SEMA6D: variants seen among roughly 807,000 people sequenced by gnomAD.
The protein encoded by SEMA6D is semaphorin-6D.
Under a neutral mutation model 106.6 loss-of-function variants are expected in SEMA6D, and 35 were observed. The observed-to-expected ratio is 0.33, with a 90% confidence interval of 0.25 to 0.44. The LOEUF (loss-of-function observed/expected upper bound fraction) is 0.44, where lower values mean the gene tolerates loss of function less well. Ranked by LOEUF, SEMA6D falls within the 20% of genes least tolerant of loss-of-function variation. The pLI is 1.00. For synonymous variants in SEMA6D, 499 were observed against 487.7 expected (o/e 1.02, Z -0.31); for missense variants, 1,185 against 1,345.9 (o/e 0.88, Z 1.87).
chr15:47,602,086 A>G (rs1251213858), intron 4 of SEMA6D, among the ~76,000 whole-genome samples: 2 of 152,220 alleles, frequency 1.3e-5, no homozygotes, highest in African/African-American at 4.8e-5. Flanking sequence ...GAATGTAGTC[A>G]TCTTACTCTA....
intron 1 of SEMA6D, among the ~76,000 whole-genome samples, chr15:47,311,576 G>A (rs1036993006): frequency 6.6e-6 from 1 of 152,034 alleles, no homozygotes; most frequent in Non-Finnish European, 1.5e-5. Flanking sequence ...GAAGTAAAGG[G>A]TGTATTTCCA....
At chr15:47,619,944 A>C (rs2077069572) in intron 4 of SEMA6D, among the ~76,000 whole-genome samples, 1 of 152,006 alleles carries the variant, frequency 6.6e-6, no homozygotes, top group Non-Finnish European at 1.5e-5. Context: ...TTATTATTTT[A>C]ATTGATTTTT....
chr15:47,391,075 T>G (rs553865992), intron 1 of SEMA6D, among the ~76,000 whole-genome samples: 1 of 152,312 alleles, frequency 6.6e-6, no homozygotes, highest in East Asian at 1.9e-4. Flanking sequence ...TCTAATAAGT[T>G]AACCCCTTTG....
intron 3 of SEMA6D, among the ~76,000 whole-genome samples, chr15:47,594,963 G>A (rs2076507529): frequency 6.6e-6 from 1 of 152,102 alleles, no homozygotes; most frequent in South Asian, 2.1e-4. Context: ...AAGGCATGGA[G>A]GCTGAAGTGG....
intron 1 of SEMA6D, among the ~76,000 whole-genome samples, chr15:47,755,907 G>T (rs1289160272): frequency 6.0e-5 from 9 of 150,632 alleles, no homozygotes; most frequent in Admixed American, 6.0e-4. Context: ...AAATCATCAA[G>T]TCTCCATAAG....
At chr15:47,600,248 C>A (rs1199519801) in intron 3 of SEMA6D, among the ~76,000 whole-genome samples, 3 of 152,072 alleles carry the variant, frequency 2.0e-5, no homozygotes, top group Non-Finnish European at 4.4e-5. Flanking sequence ...TTTTCAGATT[C>A]TTTGCCTTAT....
chr15:47,584,888 G>T (rs1596367249), intron 3 of SEMA6D, among the ~76,000 whole-genome samples: 1 of 152,148 alleles, frequency 6.6e-6, no homozygotes, highest in South Asian at 2.1e-4. Flanking sequence ...AGGGTTTCTA[G>T]ACCAAGTGAC....
intron 1 of SEMA6D, among the ~76,000 whole-genome samples, chr15:47,228,149 C>CAT: frequency 2.6e-5 from 3 of 116,020 alleles, no homozygotes; most frequent in African/African-American, 8.0e-5. Context: ...CACACACACA[C>CAT]ACACACACAC....
At chr15:47,670,271 T>C (rs1323004019) in intron 4 of SEMA6D, among the ~76,000 whole-genome samples, 1 of 152,170 alleles carries the variant, frequency 6.6e-6, no homozygotes, top group Non-Finnish European at 1.5e-5. Context: ...CACACCACAT[T>C]ATGAATAGTA....
intron 3 of SEMA6D, among the ~76,000 whole-genome samples, chr15:47,480,985 A>G (rs1291537797): frequency 1.3e-5 from 2 of 152,130 alleles, no homozygotes; most frequent in Non-Finnish European, 2.9e-5. Context: ...TTCATCTTAG[A>G]TCTATACCAT....
intron 1 of SEMA6D, among the ~76,000 whole-genome samples, chr15:47,728,629 C>T (rs2079918265): frequency 6.6e-6 from 1 of 152,228 alleles, no homozygotes; most frequent in Non-Finnish European, 1.5e-5. Flanking sequence ...GGCCTAAAGC[C>T]ACACAGATGT....
At chr15:47,325,509 T>A (rs532613618) in intron 1 of SEMA6D, among the ~76,000 whole-genome samples, 50 of 152,350 alleles carry the variant, frequency 3.3e-4, no homozygotes, top group South Asian at 2.7e-3. Context: ...GTCAGTATTA[T>A]TTCCTTTCAC....
intron 1 of SEMA6D, among the ~76,000 whole-genome samples, chr15:47,191,603 A>C (rs1011368914): frequency 2.0e-5 from 3 of 152,210 alleles, no homozygotes; most frequent in Admixed American, 6.5e-5. Flanking sequence ...CCAGGTATTG[A>C]AATAAGAAAT....
chr15:47,573,967 C>A (rs2076112067), intron 3 of SEMA6D, among the ~76,000 whole-genome samples: 1 of 152,162 alleles, frequency 6.6e-6, no homozygotes, highest in South Asian at 2.1e-4. Context: ...TCTTCTGTGA[C>A]AAAGCCAGTC....
chr15:47,407,424 A>G (rs1433784368), intron 1 of SEMA6D, among the ~76,000 whole-genome samples: 1 of 151,148 alleles, frequency 6.6e-6, no homozygotes, highest in East Asian at 1.9e-4. Flanking sequence ...AAAACAAAAA[A>G]AACAAACAAA....
At chr15:47,404,478 C>G (rs1281715015) in intron 1 of SEMA6D, among the ~76,000 whole-genome samples, 1 of 152,148 alleles carries the variant, frequency 6.6e-6, no homozygotes, top group Non-Finnish European at 1.5e-5. Flanking sequence ...ATCACAGGAC[C>G]ATCTGATTGA....
intron 1 of SEMA6D, among the ~76,000 whole-genome samples, chr15:47,247,466 T>A (rs946621537): frequency 6.6e-6 from 1 of 152,184 alleles, no homozygotes; most frequent in Non-Finnish European, 1.5e-5. Context: ...ATGGCAATCA[T>A]GCTCATAAAA....
At chr15:47,417,012 C>T (rs1378433219) in intron 2 of SEMA6D, among the ~76,000 whole-genome samples, 2 of 152,002 alleles carry the variant, frequency 1.3e-5, no homozygotes, top group Non-Finnish European at 2.9e-5. Context: ...CGTTAGAGCT[C>T]AGTGACTTAT....
intron 9 of SEMA6D, among the ~76,000 whole-genome samples, chr15:47,763,360 A>G (rs895283993): frequency 1.3e-5 from 2 of 152,184 alleles, no homozygotes; most frequent in Non-Finnish European, 2.9e-5. Context: ...AGAGTGTTCT[A>G]CAGGTACCCT....
Sources: gnomAD v4.1 joint callset for allele counts (sites outside exome capture counted in the v4.1 genomes callset) on GRCh38, gnomAD v4.1.1 for gene constraint, MANE v1.5 for transcripts, NCBI Gene and HGNC (gene_info 2026-07-23, HGNC 2026-07-21) for gene names.